DZANK1: variants seen among roughly 807,000 people sequenced by gnomAD.
DZANK1 encodes double zinc ribbon and ankyrin repeat domains 1.
Under a neutral mutation model 94.5 loss-of-function variants are expected in DZANK1, and 91 were observed. The observed-to-expected ratio is 0.96, with a 90% CI of 0.81 to 1.15. DZANK1 has a LOEUF of 1.15. Among genes scored for constraint, DZANK1 ranks in the 50% most tolerant of loss-of-function variants. The pLI is 0.00. For synonymous variants in DZANK1, 312 were observed against 325.3 expected, an observed-to-expected ratio of 0.96 and a Z score of 0.44; for missense variants, 903 against 916.4, an observed-to-expected ratio of 0.99 and a Z score of 0.19.
intron 2 of DZANK1, among the ~76,000 whole-genome samples, chr20:18,461,389 A>G (rs2148817225): frequency 6.6e-6 from 1 of 152,220 alleles, no homozygotes; most frequent in South Asian, 2.1e-4. Context: ...TTATAGCTGC[A>G]CCACATTCTC....
chr20:18,412,534 AACTT>A (rs1171443857), intron 13 of DZANK1, 108 bp downstream of exon 13: 1 of 1,117,196 alleles, frequency 9.0e-7, no homozygotes, highest in East Asian at 2.3e-5. Flanking sequence ...AAAAGAAAGA[AACTT>A]ACTTCTTACA....
chr20:18,396,447 G>A (rs2148254741), intron 15 of DZANK1, 25 bp downstream of exon 15: 2 of 1,579,304 alleles, frequency 1.3e-6, no homozygotes, highest in East Asian at 4.5e-5. Context: ...GTTCTCAAAT[G>A]AATAACTTCT....
chr20:18,416,873 T>A (rs1340950394), intron 10 of DZANK1, among the ~76,000 whole-genome samples: 1 of 152,144 alleles, frequency 6.6e-6, no homozygotes, highest in East Asian at 1.9e-4. Flanking sequence ...TAAAACAGGA[T>A]TTTGGCATAA....
intron 6 of DZANK1, 114 bp downstream of exon 6, chr20:18,452,501 A>G: frequency 1.6e-6 from 2 of 1,248,090 alleles, no homozygotes; most frequent in Admixed American, 2.9e-5. Context: ...CAGCACTAGA[A>G]CAGTGCCTGG....
At chr20:18,418,473 T>C (rs909704963) in intron 10 of DZANK1, among the ~76,000 whole-genome samples, 26 of 152,198 alleles carry the variant, frequency 1.7e-4, no homozygotes, top group Non-Finnish European at 2.9e-4. Context: ...CCAAACTTTC[T>C]GTCCCTCCTC....
At chr20:18,465,399 A>C (rs748594010) in intron 1 of DZANK1, 22 bp from the exon 2 acceptor site, 3 of 877,796 alleles carry the variant, frequency 3.4e-6, no homozygotes, top group South Asian at 2.7e-5. Flanking sequence ...TATACATATA[A>C]ATTCCAATGT....
chr20:18,464,471 G>A (rs1046643092), intron 2 of DZANK1, among the ~76,000 whole-genome samples: 8 of 152,078 alleles, frequency 5.3e-5, no homozygotes. Flanking sequence ...GCTCTAAGAA[G>A]TAGATATTAT....
In DZANK1 at chr20:18,455,161, G is replaced by A. The variant is rs961681962; in HGVS notation, c.378+86C>T. The A allele has an allele frequency of 5.4e-6, 5 of 925,932 alleles. No homozygotes were observed. In the African/African-American group the frequency reaches 6.6e-5, roughly 12 times the overall value. The allele number at this position is 925,932 out of a possible 1,614,324, so 57.4% of individuals were successfully genotyped here. A position where few individuals can be genotyped will look rare whatever the true frequency, so the allele number is the denominator to read the frequency against. ...AGGACCTGACTGTGAGCAGAGGTAA[G>A]GTAATAAAAGGCAAGATCTGCTCAC... On this transcript the variant is annotated intron_variant, in intron 4 of 20. Transcript: ENST00000262547.
At chr20:18,459,892 C>T (rs1385927022) in intron 3 of DZANK1, among the ~76,000 whole-genome samples, 1 of 152,082 alleles carries the variant, frequency 6.6e-6, no homozygotes, top group Non-Finnish European at 1.5e-5. Context: ...TCCTGAAACC[C>T]CAATGTGGAA....
At chr20:18,440,213 G>A (rs2145227) in intron 8 of DZANK1, among the ~76,000 whole-genome samples, 1 of 152,174 alleles carries the variant, frequency 6.6e-6, no homozygotes, top group Non-Finnish European at 1.5e-5. Flanking sequence ...AAGCCACACA[G>A]TCTGTGGGGT....
chr20:18,402,104 C>T (rs1439746149), intron 13 of DZANK1, among the ~76,000 whole-genome samples: 1 of 152,110 alleles, frequency 6.6e-6, no homozygotes, highest in African/African-American at 2.4e-5. Context: ...GCATGGCAGC[C>T]TAGGGATTTG....
chr20:18,446,420 G>C (rs1193955008), intron 7 of DZANK1, among the ~76,000 whole-genome samples: 3 of 152,042 alleles, frequency 2.0e-5, no homozygotes, highest in African/African-American at 7.2e-5. Context: ...AAAATAACAA[G>C]GATAATTAGA....
chr20:18,445,747 A>AAT (rs1555880016), intron 7 of DZANK1, among the ~76,000 whole-genome samples: 4 of 152,040 alleles, frequency 2.6e-5, no homozygotes, highest in Non-Finnish European at 4.4e-5. Flanking sequence ...GCCACAAAAA[A>AAT]ATATATATAT....
chr20:18,389,882 T>C, intron 18 of DZANK1, 54 bp from the exon 19 acceptor site: 2 of 1,605,578 alleles, frequency 1.2e-6, no homozygotes, highest in Non-Finnish European at 1.7e-6. Flanking sequence ...CTCAACAGCA[T>C]CCAGTCGCCA....
rs926515549 is a variant in DZANK1, at chr20:18,441,861, G to A, written c.747+1486C>T. The stretch of plus-strand genomic sequence containing the variant: ...GACTATCTGGGAAGCTGGCTGGGGT[G>A]CCAGTGGAACTGAGAAGCGTCCATG... On this transcript the variant is annotated intron_variant, in intron 8 of 20. Transcript: ENST00000262547. The surrounding 1 kb of genome is among the most constrained non-coding windows in gnomAD (Gnocchi z 4.1). 2.0e-5 allele frequency among the ~76,000 whole-genome samples: 3 copies of A among 152,226 alleles called. No homozygotes were observed. Among genetic ancestry groups the A allele is most frequent in the Non-Finnish European group, 4.4e-5 (3 of 68,046 alleles).
rs1212042161 is a variant in DZANK1, at chr20:18,414,400, C to T, written c.1190G>A (p.Ser397Asn). The change falls in exon 12 of 21, where the codon AGC becomes AAC. Residue 397 changes from serine (S) to asparagine (N), a missense_variant. Physicochemically the swap from Ser to Asn is conservative, Grantham distance 46. Coordinates refer to ENST00000262547, the Ensembl canonical transcript of DZANK1. Reference sequence around the variant, plus strand: ...AGCTAGAGCCAGGCTTCTGTCCAAGCTAAGTTTCACTAGGGACTTCACACA... The same window carrying T: ...AGCTAGAGCCAGGCTTCTGTCCAAGTTAAGTTTCACTAGGGACTTCACACA... 8.7e-6 allele frequency: 14 copies of T among 1,613,872 alleles called. No individual in the cohort carries two copies. The highest frequency in any genetic ancestry group is 3.3e-5 in the Admixed American group (2 of 59,992).
chr20:18,429,859 C>T (rs1352145612), intron 9 of DZANK1, among the ~76,000 whole-genome samples: 18 of 152,194 alleles, frequency 1.2e-4, no homozygotes. Context: ...TTTTATATCA[C>T]AATCCACTAT....
chr20:18,427,072 G>A lies in DZANK1; in HGVS notation c.949C>T (p.Gln317Ter), dbSNP rs1600947721. ...GGCACATGCAATCAACCTACCTCTT[G>A]TGATGAAGGCAGGGCCCCCTCACAG... The change falls in exon 10 of 21, where the codon CAA becomes TAA. Residue 317 changes from glutamine (Q) to a stop codon, truncating the protein, a stop_gained. Transcript: ENST00000262547. LOFTEE classifies it high-confidence loss of function. 1.2e-6 allele frequency: 2 copies of A among 1,608,926 alleles called. No individual in the cohort carries two copies. The highest frequency in any genetic ancestry group is 2.7e-5 in the African/African-American group (2 of 74,768).
At chr20:18,438,892 T>C (rs567389151) in intron 8 of DZANK1, among the ~76,000 whole-genome samples, 45 of 152,264 alleles carry the variant, frequency 3.0e-4, no homozygotes, top group Non-Finnish European at 5.7e-4. Context: ...ACTAATCCCA[T>C]TCATAAGGGG....
Sources: allele counts gnomAD v4.1 joint callset (sites outside exome capture counted in the v4.1 genomes callset), GRCh38; gene constraint gnomAD v4.1.1; non-coding constraint Gnocchi (gnomAD v3.1); transcripts MANE v1.5; gene names NCBI Gene and HGNC (gene_info 2026-07-23, HGNC 2026-07-21).